UBTD2: variants seen among roughly 807,000 people sequenced by gnomAD.
UBTD2 encodes the protein ubiquitin domain-containing protein 2.
Under a neutral mutation model 19.8 loss-of-function variants are expected in UBTD2, and 9 were observed. The observed-to-expected ratio is 0.46, with a 90% confidence interval of 0.27 to 0.79. The LOEUF is 0.79. Ranked by LOEUF, UBTD2 falls within the 30% of genes least tolerant of loss-of-function variation. The probability of loss-of-function intolerance (pLI) is 0.14; values close to 1 mark genes in which losing one functional copy is unlikely to be tolerated. For synonymous variants in UBTD2, 98 were observed against 103.9 expected (o/e 0.94, Z 0.35); for missense variants, 250 against 300.4 (o/e 0.83, Z 1.24).
chr5:172,241,414 A>T (rs1480264886), intron 1 of UBTD2, among the ~76,000 whole-genome samples: 4 of 91,538 alleles, frequency 4.4e-5, no homozygotes, highest in Admixed American at 9.7e-5. Flanking sequence ...TGTCTCAATT[A>T]AAAAAAAAAA....
chr5:172,240,635 CT>C (rs888206476), intron 1 of UBTD2, among the ~76,000 whole-genome samples: 3 of 151,026 alleles, frequency 2.0e-5, no homozygotes, highest in Non-Finnish European at 3.0e-5. Flanking sequence ...TTTCCCCCCA[CT>C]TTTTTTTTAA....
intron 1 of UBTD2, chr5:172,254,983 C>A: frequency 1.8e-6 from 1 of 565,692 alleles, no homozygotes; most frequent in Non-Finnish European, 3.5e-6. Flanking sequence ...AGGGGATGGG[C>A]TGCACCACCA....
chr5:172,268,128 T>C (rs939610249), intron 1 of UBTD2, among the ~76,000 whole-genome samples: 4 of 152,146 alleles, frequency 2.6e-5, no homozygotes, highest in South Asian at 4.1e-4. Context: ...GCAGCTTACA[T>C]TGTGCGAAGA....
rs140774489 is a variant in UBTD2 at position 172,226,488 on chromosome 5, A to G, written c.307+7634T>C. The stretch of plus-strand genomic sequence containing the variant: ...TGCCTAGTACATATAACAAATCCAT[A>G]GAAAACACACAATAATGTTGGCTGT... On this transcript the variant is annotated intron_variant, in intron 2 of 2. Transcript: ENST00000393792. 2.1e-4 allele frequency among the ~76,000 whole-genome samples: 32 copies of G among 152,344 alleles called. No homozygotes were observed. In the East Asian group the frequency reaches 6.2e-3, roughly 29 times the overall value.
chr5:172,282,396 G>A (rs982091756), intron 1 of UBTD2, among the ~76,000 whole-genome samples: 4 of 152,094 alleles, frequency 2.6e-5, no homozygotes, highest in African/African-American at 9.7e-5. Context: ...TAGTCATACA[G>A]GATACCCACA....
At chr5:172,279,545 C>A (rs1375415604) in intron 1 of UBTD2, among the ~76,000 whole-genome samples, 1 of 152,178 alleles carries the variant, frequency 6.6e-6, no homozygotes, top group Non-Finnish European at 1.5e-5. Flanking sequence ...AAACTTGTGA[C>A]CACCACGGTC....
intron 1 of UBTD2, among the ~76,000 whole-genome samples, chr5:172,279,260 C>T (rs1755665685): frequency 6.6e-6 from 1 of 152,176 alleles, no homozygotes; most frequent in African/African-American, 2.4e-5. Context: ...AAGAACAAAA[C>T]TATTTTTGCA....
At chr5:172,259,021 T>C (rs1755214075) in intron 1 of UBTD2, among the ~76,000 whole-genome samples, 2 of 152,204 alleles carry the variant, frequency 1.3e-5, no homozygotes, top group African/African-American at 4.8e-5. Flanking sequence ...CTTGTTTTGT[T>C]CTGGTTCTCA....
intron 2 of UBTD2, among the ~76,000 whole-genome samples, chr5:172,225,758 T>C (rs1285573070): frequency 6.6e-6 from 1 of 152,102 alleles, no homozygotes; most frequent in African/African-American, 2.4e-5. Context: ...TTGACAAACT[T>C]AATATTTAGA....
intron 1 of UBTD2, among the ~76,000 whole-genome samples, chr5:172,249,930 T>A: frequency 1.3e-5 from 2 of 152,326 alleles, no homozygotes; most frequent in Middle Eastern, 6.8e-3. Context: ...AAAACCTACA[T>A]GTAATGTCAT....
chr5:172,238,052 A>G (rs1387972663), intron 1 of UBTD2, among the ~76,000 whole-genome samples: 1 of 152,226 alleles, frequency 6.6e-6, no homozygotes, highest in African/African-American at 2.4e-5. Flanking sequence ...GTATTTCTGA[A>G]AATGCAGTAG....
At position 172,211,174 on chromosome 5, in the gene UBTD2, A is replaced by AAC. The variant is rs1288855687; in HGVS notation, c.*655_*656insGT. 6.6e-6 allele frequency: 1 copy of AAC among 152,194 alleles called. No individual in the cohort carries two copies. The highest frequency in any genetic ancestry group is 2.4e-5 in the African/African-American group (1 of 41,450). The allele number at this position is 152,194 out of a possible 1,614,324, so 9.4% of individuals were successfully genotyped here. A position where few individuals can be genotyped will look rare whatever the true frequency, so the allele number is the denominator to read the frequency against. ...GCCTGCCACTAATGTGCTGGAAGGC[A>AAC]CCAAAATTTAGTGTGAATGTAAATA... On this transcript the variant is annotated 3_prime_UTR_variant, in exon 3 of 3. Coordinates refer to ENST00000393792, the MANE Select transcript of UBTD2 (RefSeq NM_152277.3).
chr5:172,255,398 G>T, intron 1 of UBTD2: 1 of 496,938 alleles, frequency 2.0e-6, no homozygotes, highest in Non-Finnish European at 4.1e-6. Flanking sequence ...GGGTCCACGG[G>T]CCTCTTGCTT....
intron 1 of UBTD2, among the ~76,000 whole-genome samples, chr5:172,278,464 A>T (rs190321368): frequency 5.6e-4 from 85 of 151,672 alleles, no homozygotes; most frequent in African/African-American, 2.0e-3. Context: ...GGTTGCAGCG[A>T]GCTGAGATCA....
chr5:172,241,090 C>T (rs1223310514), intron 1 of UBTD2, among the ~76,000 whole-genome samples: 1 of 150,698 alleles, frequency 6.6e-6, no homozygotes, highest in African/African-American at 2.4e-5. Flanking sequence ...TTTCTTCTCT[C>T]AATTCATGAG....
chr5:172,257,116 G>C (rs1164190574), intron 1 of UBTD2, among the ~76,000 whole-genome samples: 2 of 152,124 alleles, frequency 1.3e-5, no homozygotes, highest in Non-Finnish European at 2.9e-5. Flanking sequence ...CCAGTAAGTA[G>C]TTTTATGATC....
chr5:172,251,355 G>A (rs1431150265), intron 1 of UBTD2, among the ~76,000 whole-genome samples: 1 of 147,024 alleles, frequency 6.8e-6, no homozygotes, highest in Admixed American at 6.8e-5. Flanking sequence ...ATTTAAAGAT[G>A]GGTTCCTGTC....
intron 2 of UBTD2, among the ~76,000 whole-genome samples, 154 bp from the exon 3 acceptor site, chr5:172,212,381 C>A (rs1189101381): frequency 6.6e-6 from 1 of 152,140 alleles, no homozygotes; most frequent in African/African-American, 2.4e-5. Context: ...AAATCCCATG[C>A]CCAATTATTT....
intron 1 of UBTD2, among the ~76,000 whole-genome samples, chr5:172,240,333 A>G (rs1772101673): frequency 6.6e-6 from 1 of 152,226 alleles, no homozygotes; most frequent in Non-Finnish European, 1.5e-5. Flanking sequence ...ATCTGCCTAG[A>G]CAAGTTAGAT....
Sources: allele counts gnomAD v4.1 joint callset (sites outside exome capture counted in the v4.1 genomes callset), GRCh38; gene constraint gnomAD v4.1.1; transcripts MANE v1.5; gene names NCBI Gene and HGNC (gene_info 2026-07-23, HGNC 2026-07-21).